LMO7: variants seen among roughly 807,000 people sequenced by gnomAD.
LMO7 encodes LIM domain 7, also known as LIM domain only protein 7.
Under a neutral mutation model 206.5 loss-of-function variants are expected in LMO7, and 120 were observed. The observed-to-expected ratio is 0.58, with a 90% confidence interval of 0.50 to 0.68. The LOEUF is 0.68. Among genes scored for constraint, LMO7 ranks in the 30% least tolerant of loss-of-function variants. The pLI, the probability that LMO7 is intolerant of heterozygous loss-of-function variation, is 0.00. For missense variants in LMO7, 1,959 were observed against 1,957.9 expected, an observed-to-expected ratio of 1.00 and a Z score of -0.01; for synonymous variants, 706 against 681.5, an observed-to-expected ratio of 1.04 and a Z score of -0.56.
At chr13:75,654,752 G>GT (rs548609553) in intron 1 of LMO7, among the ~76,000 whole-genome samples, 33 of 151,898 alleles carry the variant, frequency 2.2e-4, no homozygotes, top group Admixed American at 2.0e-3. Flanking sequence ...TTGGTCTATC[G>GT]TTTTTTCTCC....
At chr13:75,822,108 T>A (rs2057642700) in intron 14 of LMO7, among the ~76,000 whole-genome samples, 1 of 152,220 alleles carries the variant, frequency 6.6e-6, no homozygotes, top group African/African-American at 2.4e-5. Context: ...TTTCTACTAG[T>A]GTCAGGATTT....
At chr13:75,756,209 C>T (rs965868408) in intron 3 of LMO7, among the ~76,000 whole-genome samples, 3 of 152,070 alleles carry the variant, frequency 2.0e-5, no homozygotes, top group Admixed American at 1.3e-4. Context: ...AGCAAGAGAC[C>T]AAGGTAGAGA....
intron 5 of LMO7, among the ~76,000 whole-genome samples, chr13:75,795,751 A>G (rs1271194829): frequency 6.6e-6 from 1 of 152,124 alleles, no homozygotes; most frequent in African/African-American, 2.4e-5. Context: ...GCTGCATAGT[A>G]TTCTAGAGAT....
intron 1 of LMO7, among the ~76,000 whole-genome samples, chr13:75,640,531 C>A (rs1179730253): frequency 6.6e-6 from 1 of 152,208 alleles, no homozygotes; most frequent in African/African-American, 2.4e-5. Flanking sequence ...AATCGCCAAA[C>A]CTCCAGCCCC....
Position 75,636,727 on chromosome 13 carries a change from G to T in LMO7, c.69+1G>T. ...CGCTGAGGCTCAGAGATGGGTGGAG[G>T]TGAGTGCCTTTCACTGCTTTCCCTT... On this transcript the variant is annotated splice_donor_variant, in intron 1 of 30. Transcript: ENST00000377534. LOFTEE classifies it high-confidence loss of function. 1.9e-6 allele frequency: 3 copies of T among 1,605,512 alleles called. No individual in the cohort carries two copies. Among genetic ancestry groups the T allele is most frequent in the Non-Finnish European group, 2.5e-6 (3 of 1,176,688 alleles).
At chr13:75,802,819 G>T (rs1322670383) in intron 7 of LMO7, among the ~76,000 whole-genome samples, 1 of 152,132 alleles carries the variant, frequency 6.6e-6, no homozygotes, top group Non-Finnish European at 1.5e-5. Flanking sequence ...TCTCTAGATT[G>T]TAGTCCTAAA....
At chr13:75,738,661 A>G (rs1428423367) in intron 3 of LMO7, among the ~76,000 whole-genome samples, 1 of 152,190 alleles carries the variant, frequency 6.6e-6, no homozygotes, top group Non-Finnish European at 1.5e-5. Flanking sequence ...AAATGTGGGT[A>G]TGTTCAAATC....
chr13:75,731,061 T>C (rs2045146302), intron 3 of LMO7, among the ~76,000 whole-genome samples: 1 of 151,866 alleles, frequency 6.6e-6, no homozygotes, highest in Non-Finnish European at 1.5e-5. Context: ...ATGTGGTCAA[T>C]TTTGGAATAG....
intron 1 of LMO7, among the ~76,000 whole-genome samples, chr13:75,701,338 G>A (rs1454110113): frequency 6.6e-6 from 1 of 152,248 alleles, no homozygotes; most frequent in Non-Finnish European, 1.5e-5. Flanking sequence ...AGGTAGCAAG[G>A]GCGTAACTGT....
chr13:75,823,686 A>G lies in LMO7; in HGVS notation c.2762A>G (p.Gln921Arg). ...CAACTGGCTTCAAGCTTATCTAGCC[A>G]GAAAGAGGTAGCAGCAACAGAAGAA... ...ASQLASSLSS[Q>R]KEVAATEEDV... Residue 921 changes from glutamine (Q) to arginine (R), a missense_variant, in exon 15 of 31, where the codon CAG (glutamine) becomes CGG (arginine). Gln to Arg is a conservative substitution (Grantham distance 43, BLOSUM62 1). Coordinates refer to ENST00000377534, the MANE Select transcript of LMO7 (RefSeq NM_001306080.2). 6.2e-7 allele frequency: 1 copy of G among 1,614,202 alleles called. No individual in the cohort carries two copies. The highest frequency in any genetic ancestry group is 8.5e-7 in the Non-Finnish European group (1 of 1,180,022).
At chr13:75,821,995 A>G (rs1211220331) in intron 14 of LMO7, among the ~76,000 whole-genome samples, 3 of 151,908 alleles carry the variant, frequency 2.0e-5, no homozygotes, top group Admixed American at 1.3e-4. Context: ...TTTAGCCTAG[A>G]GATTTTCAGG....
At chr13:75,730,607 G>GT (rs1410483708) in intron 3 of LMO7, among the ~76,000 whole-genome samples, 3 of 143,996 alleles carry the variant, frequency 2.1e-5, no homozygotes, top group Non-Finnish European at 4.6e-5. Context: ...TTTTTGAAGG[G>GT]TTTTTTGTGT....
At chr13:75,660,643 GCTTT>G (rs1419196131) in intron 1 of LMO7, among the ~76,000 whole-genome samples, 1 of 152,088 alleles carries the variant, frequency 6.6e-6, no homozygotes, top group Non-Finnish European at 1.5e-5. Flanking sequence ...TGTTATTTCT[GCTTT>G]CTTTCAGATT....
intron 2 of LMO7, among the ~76,000 whole-genome samples, chr13:75,626,580 T>TATATATATATATATATATATATATATAG (rs2034147833): frequency 9.6e-6 from 1 of 104,418 alleles, no homozygotes; most frequent in African/African-American, 3.1e-5. Context: ...ATATATATTA[T>TATATATATATATATATATATATATATAG]ATATATATAT....
intron 30 of LMO7, 47 bp downstream of exon 30, chr13:75,856,655 CA>C: frequency 9.1e-7 from 1 of 1,100,414 alleles, no homozygotes; most frequent in Non-Finnish European, 1.4e-6. Context: ...TTAAGGAGGC[CA>C]CGGGTTCCCA....
intron 1 of LMO7, among the ~76,000 whole-genome samples, chr13:75,651,435 G>T (rs145066951): frequency 2.0e-5 from 3 of 150,924 alleles, no homozygotes; most frequent in African/African-American, 7.3e-5. Context: ...TCAGCCTCCC[G>T]AGTGGCTGGG....
At chr13:75,742,172 C>T (rs141789756) in intron 3 of LMO7, among the ~76,000 whole-genome samples, 6 of 152,088 alleles carry the variant, frequency 3.9e-5, no homozygotes, top group East Asian at 3.9e-4. Flanking sequence ...TAACCAGGGA[C>T]GTGAAAGATC....
chr13:75,701,052 G>C (rs1315931512), intron 1 of LMO7, among the ~76,000 whole-genome samples: 1 of 152,032 alleles, frequency 6.6e-6, no homozygotes, highest in Non-Finnish European at 1.5e-5. Flanking sequence ...TCCACTTTTT[G>C]GCTGTTATGA....
intron 3 of LMO7, among the ~76,000 whole-genome samples, chr13:75,750,151 G>T (rs1293165508): frequency 6.6e-6 from 1 of 151,822 alleles, no homozygotes; most frequent in South Asian, 2.1e-4. Context: ...ATATATTTTA[G>T]TCACCCTGCT....
Sources: allele counts gnomAD v4.1 joint callset (sites outside exome capture counted in the v4.1 genomes callset), GRCh38; gene constraint gnomAD v4.1.1; transcripts MANE v1.5; gene names NCBI Gene and HGNC (gene_info 2026-07-23, HGNC 2026-07-21).